Variants in PABPC4L observed in about 807,000 individuals in gnomAD.
PABPC4L encodes polyadenylate-binding protein 4-like.
For synonymous variants in PABPC4L, 169 were observed against 164.1 expected, an observed-to-expected ratio of 1.03 and a Z score of -0.23; for missense variants, 452 against 451.4, an observed-to-expected ratio of 1.00 and a Z score of -0.01.
chr4:134,186,637 G>GACTTCA, the PABPC4L span, among the ~76,000 whole-genome samples: 1 of 152,092 alleles, frequency 6.6e-6, no homozygotes. Context: ...CATGGGCAAG[G>GACTTCA]ACTTCATGAC....
At chr4:133,989,800 C>A in the PABPC4L span, among the ~76,000 whole-genome samples, 4 of 152,002 alleles carry the variant, frequency 2.6e-5, no homozygotes, top group East Asian at 7.8e-4. Flanking sequence ...GAAGAAATAC[C>A]TGAGAATGGG....
chr4:133,986,892 T>A, the PABPC4L span, among the ~76,000 whole-genome samples: 1 of 152,004 alleles, frequency 6.6e-6, no homozygotes, highest in Admixed American at 6.6e-5. Flanking sequence ...CTTGCCACCA[T>A]GCCCTGCTAA....
At chr4:133,950,375 G>A in the PABPC4L span, among the ~76,000 whole-genome samples, 5 of 151,978 alleles carry the variant, frequency 3.3e-5, no homozygotes, top group African/African-American at 9.7e-5. Flanking sequence ...TAACCCGGGA[G>A]GTTTTCCTTC....
At chr4:134,031,479 C>A in the PABPC4L span, among the ~76,000 whole-genome samples, 7 of 151,910 alleles carry the variant, frequency 4.6e-5, no homozygotes, top group Admixed American at 3.9e-4. Flanking sequence ...AAAATAGACA[C>A]ATTTTTCTTT....
the PABPC4L span, among the ~76,000 whole-genome samples, chr4:134,027,932 G>T: frequency 1.3e-5 from 2 of 152,080 alleles, no homozygotes; most frequent in Non-Finnish European, 2.9e-5. Flanking sequence ...AACCCACGGA[G>T]ACATGAGATA....
the PABPC4L span, among the ~76,000 whole-genome samples, chr4:134,183,928 G>A: frequency 2.6e-5 from 4 of 151,354 alleles, no homozygotes; most frequent in Admixed American, 2.0e-4. Context: ...GTGCGTGTGT[G>A]TGTGTGTGTG....
the PABPC4L span, among the ~76,000 whole-genome samples, chr4:133,968,718 A>C: frequency 1.3e-4 from 20 of 152,340 alleles, no homozygotes; most frequent in East Asian, 3.7e-3. Context: ...ATAATACTCT[A>C]TATGACATAA....
the PABPC4L span, among the ~76,000 whole-genome samples, chr4:134,014,089 T>C: frequency 1.3e-5 from 2 of 152,288 alleles, no homozygotes; most frequent in East Asian, 3.9e-4. Context: ...GTCCAGTTCA[T>C]GGCTCATTTG....
chr4:134,156,632 T>A, the PABPC4L span, among the ~76,000 whole-genome samples: 1 of 151,914 alleles, frequency 6.6e-6, no homozygotes. Context: ...ATAAGGAAAT[T>A]ATATTAGAAT....
the PABPC4L span, among the ~76,000 whole-genome samples, chr4:134,122,866 C>T: frequency 1.3e-5 from 2 of 151,748 alleles, no homozygotes; most frequent in Admixed American, 6.6e-5. Flanking sequence ...GTTTTGTTTA[C>T]ATCACATATT....
At chr4:133,967,794 C>T in the PABPC4L span, among the ~76,000 whole-genome samples, 6 of 152,018 alleles carry the variant, frequency 3.9e-5, no homozygotes, top group Non-Finnish European at 7.4e-5. Context: ...TCACAGAGCC[C>T]CTGAATATGG....
the PABPC4L span, among the ~76,000 whole-genome samples, chr4:134,108,443 C>A: frequency 4.0e-5 from 6 of 151,792 alleles, no homozygotes; most frequent in African/African-American, 1.4e-4. Context: ...GAAAATTGAA[C>A]CCTTGGGTCT....
the PABPC4L span, chr4:133,978,194 C>G: frequency 6.6e-6 from 1 of 152,158 alleles, no homozygotes; most frequent in Non-Finnish European, 1.5e-5. Flanking sequence ...TGTATATGTT[C>G]CAGATAACTC....
chr4:133,969,436 T>A, the PABPC4L span, among the ~76,000 whole-genome samples: 1 of 152,162 alleles, frequency 6.6e-6, no homozygotes, highest in East Asian at 1.9e-4. Flanking sequence ...ACAAGTGGCA[T>A]TTAGGCTGAA....
the PABPC4L span, among the ~76,000 whole-genome samples, chr4:134,146,226 T>A: frequency 6.6e-6 from 1 of 152,012 alleles, no homozygotes; most frequent in African/African-American, 2.4e-5. Context: ...ATAATGAGAA[T>A]ATCTATATTT....
At chr4:134,042,764 A>G in the PABPC4L span, among the ~76,000 whole-genome samples, 1 of 152,286 alleles carries the variant, frequency 6.6e-6, no homozygotes, top group Non-Finnish European at 1.5e-5. Context: ...CATTAAACAT[A>G]AACAATAGTG....
At chr4:134,082,168 T>C in the PABPC4L span, among the ~76,000 whole-genome samples, 1 of 152,194 alleles carries the variant, frequency 6.6e-6, no homozygotes, top group African/African-American at 2.4e-5. Context: ...TATTACATTA[T>C]TTTTCATTTT....
At chr4:134,051,820 T>A in the PABPC4L span, among the ~76,000 whole-genome samples, 1 of 152,254 alleles carries the variant, frequency 6.6e-6, no homozygotes, top group African/African-American at 2.4e-5. Context: ...TGATGTAAAC[T>A]ATTTTTCTGA....
At chr4:134,082,913 CTG>C in the PABPC4L span, among the ~76,000 whole-genome samples, 1 of 152,156 alleles carries the variant, frequency 6.6e-6, no homozygotes, top group Non-Finnish European at 1.5e-5. Context: ...CTGGCTGAGA[CTG>C]TGAGTGTGAT....
Sources: gnomAD v4.1 joint callset for allele counts (sites outside exome capture counted in the v4.1 genomes callset) on GRCh38, gnomAD v4.1.1 for gene constraint, MANE v1.5 for transcripts, NCBI Gene and HGNC (gene_info 2026-07-23, HGNC 2026-07-21) for gene names.